SHB: variants seen among roughly 807,000 people sequenced by gnomAD.
SHB encodes the protein SH2 domain containing adaptor protein B.
A neutral mutation model predicts 52.3 loss-of-function variants in SHB; 20 were observed. The observed-to-expected ratio is 0.38, with a 90% CI of 0.27 to 0.56. SHB has a LOEUF of 0.56. SHB is among the 20% of genes least tolerant of loss of function. SHB has a pLI of 0.71. For missense variants in SHB, 825 were observed against 723.3 expected (o/e 1.14, Z -1.61); for synonymous variants, 397 against 316.5 (o/e 1.25, Z -2.70).
intron 5 of SHB, among the ~76,000 whole-genome samples, chr9:37,932,085 C>T (rs974770683): frequency 6.6e-6 from 1 of 151,946 alleles, no homozygotes; most frequent in Middle Eastern, 3.4e-3. Flanking sequence ...AGTTCGAGAC[C>T]AGCCTGGTCA....
intron 5 of SHB, among the ~76,000 whole-genome samples, chr9:37,932,689 C>A (rs1475596078): frequency 6.6e-6 from 1 of 152,096 alleles, no homozygotes; most frequent in Non-Finnish European, 1.5e-5. Flanking sequence ...ACAGCTCACT[C>A]TGTAACCCCA....
chr9:37,977,460 A>G (rs1820669210), intron 2 of SHB, among the ~76,000 whole-genome samples: 3 of 152,224 alleles, frequency 2.0e-5, no homozygotes, highest in South Asian at 4.1e-4. Flanking sequence ...TATCACATCT[A>G]TGAGAAGGTG....
chr9:38,032,900 G>A (rs1399489474), intron 1 of SHB, among the ~76,000 whole-genome samples: 1 of 152,224 alleles, frequency 6.6e-6, no homozygotes, highest in Admixed American at 6.5e-5. Flanking sequence ...ACAGCCAGAA[G>A]GAAAACCTGC....
chr9:37,990,353 G>C (rs1364287515), intron 2 of SHB, among the ~76,000 whole-genome samples: 1 of 152,100 alleles, frequency 6.6e-6, no homozygotes, highest in African/African-American at 2.4e-5. Flanking sequence ...CTAGCCCTTT[G>C]CGTGCTCAGG....
At chr9:38,061,311 CAAAAAAAAA>C (rs776311036) in intron 1 of SHB, among the ~76,000 whole-genome samples, 1 of 84,056 alleles carries the variant, frequency 1.2e-5, no homozygotes, top group Non-Finnish European at 2.5e-5. Flanking sequence ...GATCCTGTCT[CAAAAAAAAA>C]AAAAAAAAGA....
Position 37,916,675 on chromosome 9 carries a change from C to T in SHB, c.*3146G>A, listed in dbSNP as rs543870952. Among the ~76,000 whole-genome samples, 23 of 152,356 alleles carry T rather than the reference C, an allele frequency of 1.5e-4. 1 individual carries two copies. The highest frequency in any genetic ancestry group is 7.2e-4 in the Admixed American group (11 of 15,310). ...TGCACCCCTTTCCTGGGAACAGCTACGCTGTGAGCCTCTCTCCAGGAGAGG... is the reference window on the plus strand; with the variant it reads ...TGCACCCCTTTCCTGGGAACAGCTATGCTGTGAGCCTCTCTCCAGGAGAGG... On this transcript the variant is annotated 3_prime_UTR_variant, in exon 6 of 6. Coordinates refer to ENST00000377707, the MANE Select transcript of SHB (RefSeq NM_003028.3).
rs773470977 is a variant in SHB at position 38,068,100 on chromosome 9, C to T, written c.546G>A (p.Lys182=). The T allele has an allele frequency of 4.2e-5, 62 of 1,487,612 alleles. No homozygotes were observed. The highest frequency in any genetic ancestry group is 5.2e-5 in the Non-Finnish European group (59 of 1,130,554). 92.2% of individuals were successfully genotyped at this position (1,487,612 alleles called of 1,614,324 possible). Residue 182 remains lysine, a synonymous_variant, in exon 1 of 6, where the codon AAG becomes AAA. Coordinates refer to ENST00000377707, the MANE Select transcript of SHB (RefSeq NM_003028.3). Reference sequence around the variant, plus strand: ...CGCTCTCCACTTTGATGAGGCGGTGCTTGGGGGAGATGTAGCGCACCTCGG... The same window carrying T: ...CGCTCTCCACTTTGATGAGGCGGTGTTTGGGGGAGATGTAGCGCACCTCGG... ...TPAEVRYISP[K]HRLIKVESAA... is the part of the protein sequence containing the mutation.
intron 1 of SHB, among the ~76,000 whole-genome samples, chr9:38,053,127 A>G (rs1404112452): frequency 6.6e-6 from 1 of 152,160 alleles, no homozygotes; most frequent in Non-Finnish European, 1.5e-5. Flanking sequence ...CATCTGTGTA[A>G]CATAGACTGA....
intron 3 of SHB, among the ~76,000 whole-genome samples, chr9:37,964,770 GCCC>G (rs1832730485): frequency 1.3e-5 from 2 of 152,042 alleles, no homozygotes; most frequent in Admixed American, 6.5e-5. Context: ...CACTCACTGT[GCCC>G]CCAACTCTCA....
intron 5 of SHB, among the ~76,000 whole-genome samples, chr9:37,944,476 C>T (rs147932735): frequency 5.3e-5 from 8 of 152,284 alleles, no homozygotes; most frequent in African/African-American, 1.2e-4. Flanking sequence ...CTAGGTCTGA[C>T]GTCAGAAGAC....
At chr9:38,047,139 C>A (rs1199664485) in intron 1 of SHB, among the ~76,000 whole-genome samples, 1 of 152,174 alleles carries the variant, frequency 6.6e-6, no homozygotes, top group Admixed American at 6.5e-5. Context: ...CCCTGGTATC[C>A]AGATAACACA....
intron 3 of SHB, among the ~76,000 whole-genome samples, chr9:37,959,148 C>T (rs1283353891): frequency 6.6e-6 from 1 of 152,124 alleles, no homozygotes; most frequent in Non-Finnish European, 1.5e-5. Flanking sequence ...AGGCTGACCC[C>T]CTCAATGACG....
intron 5 of SHB, 119 bp downstream of exon 5, chr9:37,948,516 A>T: frequency 8.1e-7 from 1 of 1,231,236 alleles, no homozygotes; most frequent in East Asian, 2.3e-5. Flanking sequence ...GGCCTAAAAT[A>T]ACGTGTGCTG....
intron 5 of SHB, among the ~76,000 whole-genome samples, chr9:37,939,783 G>A (rs770182323): frequency 6.6e-6 from 1 of 152,150 alleles, no homozygotes; most frequent in Non-Finnish European, 1.5e-5. Flanking sequence ...TAACTGTGAC[G>A]TAATGTGAAC....
intron 1 of SHB, among the ~76,000 whole-genome samples, chr9:38,042,154 G>A (rs1377186435): frequency 6.6e-6 from 1 of 152,180 alleles, no homozygotes; most frequent in African/African-American, 2.4e-5. Flanking sequence ...CACCAAGTAT[G>A]TTACTTAAAC....
At chr9:37,973,616 T>C (rs1374932932) in intron 3 of SHB, among the ~76,000 whole-genome samples, 3 of 152,258 alleles carry the variant, frequency 2.0e-5, no homozygotes, top group African/African-American at 4.8e-5. Context: ...ATGATGCACA[T>C]GCCCAAGATC....
intron 5 of SHB, among the ~76,000 whole-genome samples, chr9:37,927,052 G>C (rs561660505): frequency 2.0e-5 from 3 of 152,224 alleles, no homozygotes; most frequent in Non-Finnish European, 2.9e-5. Flanking sequence ...GCACAGATGA[G>C]AAGACTAAGG....
At chr9:37,982,669 C>G (rs1466728282) in intron 2 of SHB, among the ~76,000 whole-genome samples, 3 of 151,744 alleles carry the variant, frequency 2.0e-5, no homozygotes, top group African/African-American at 7.3e-5. Flanking sequence ...TGTGGTGGCA[C>G]ACGCCTGTAG....
At chr9:37,953,576 A>G (rs972676743) in intron 4 of SHB, among the ~76,000 whole-genome samples, 3 of 152,096 alleles carry the variant, frequency 2.0e-5, no homozygotes, top group Non-Finnish European at 2.9e-5. Context: ...CTGCTGTCCC[A>G]GGAGGGAAGG....
Sources: gnomAD v4.1 joint callset for allele counts (sites outside exome capture counted in the v4.1 genomes callset) on GRCh38, gnomAD v4.1.1 for gene constraint, MANE v1.5 for transcripts, NCBI Gene and HGNC (gene_info 2026-07-23, HGNC 2026-07-21) for gene names.